IGFN1: variants seen among roughly 807,000 people sequenced by gnomAD.
The protein encoded by IGFN1 is immunoglobulin like and fibronectin type III domain containing 1, also known as immunoglobulin-like and fibronectin type III domain-containing protein 1.
Under a neutral mutation model 289.5 loss-of-function variants are expected in IGFN1, and 253 were observed. That is an observed-to-expected ratio of 0.87 (90% CI 0.79 to 0.97). IGFN1 has a LOEUF of 0.97. Ranked by LOEUF, IGFN1 falls within the 50% of genes least tolerant of loss-of-function variation. The probability of loss-of-function intolerance (pLI) is 0.00; values close to 1 mark genes in which losing one functional copy is unlikely to be tolerated. For synonymous variants in IGFN1, 1,706 were observed against 1,788.5 expected (o/e 0.95, Z 1.16); for missense variants, 4,470 against 4,686.1 (o/e 0.95, Z 1.35).
chr1:201,196,934 A>AT (rs1484236027), intron 4 of IGFN1, among the ~76,000 whole-genome samples: 16 of 152,312 alleles, frequency 1.1e-4, no homozygotes, highest in African/African-American at 3.8e-4. Context: ...CACAGCTAGT[A>AT]ATACAGGACA....
intron 17 of IGFN1, 131 bp from the exon 18 acceptor site, chr1:201,218,399 G>A (rs1191175788): frequency 1.9e-5 from 15 of 788,144 alleles, no homozygotes; most frequent in African/African-American, 7.0e-5. Flanking sequence ...GAGTCACAGC[G>A]GGTGGAGGGA....
Position 201,208,247 on chromosome 1 carries a change from G to C in IGFN1, c.3354G>C (p.Trp1118Cys), listed in dbSNP as rs1409234516. ...AGAGCTCTGGAAGAATAAGGCCTTG[G>C]GGTCAGACTGGAAATTATGGGGGCT... ...EPESSGRIRP[W>C]GQTGNYGGFR... The change falls in exon 12 of 24, where the codon TGG becomes TGC. Residue 1118 changes from tryptophan to cysteine, a missense_variant. Trp to Cys is a radical substitution (Grantham distance 215, BLOSUM62 -2). Coordinates refer to ENST00000335211, the MANE Select transcript of IGFN1 (RefSeq NM_001164586.2). 1 of 1,536,366 alleles carries C rather than the reference G, an allele frequency of 6.5e-7. No homozygotes were observed. The highest frequency in any genetic ancestry group is 2.4e-5 in the East Asian group (1 of 40,890).
intron 8 of IGFN1, among the ~76,000 whole-genome samples, chr1:201,200,862 T>C (rs1667122628): frequency 6.7e-6 from 1 of 149,878 alleles, no homozygotes; most frequent in African/African-American, 2.5e-5. Flanking sequence ...GATGGAGTCT[T>C]GCTCTTTCGC....
chr1:201,225,870 T>C lies in IGFN1; in HGVS notation c.10533T>C (p.Pro3511=), dbSNP rs768815655. ...CCATCCACCTGCAGGAGAACGTGCC[T>C]GGGACGGTGACGGCCGAGTGGGAAC... The part of the protein sequence containing the change: ...PGPIHLQENV[P]GTVTAEWEPS... The change falls in exon 22 of 24, where the codon CCT becomes CCC. Residue 3511 remains proline, a synonymous_variant. Transcript: ENST00000335211. 2 of 1,613,176 alleles carry C rather than the reference T, an allele frequency of 1.2e-6. No homozygotes were observed. The highest frequency in any genetic ancestry group is 1.7e-6 in the Non-Finnish European group (2 of 1,179,802).
Position 201,212,811 on chromosome 1 carries a change from GA to G in IGFN1, c.7919del (p.Asp2640ValfsTer102), listed in dbSNP as rs1667888749. The G allele has an allele frequency of 1.1e-5, 17 of 1,551,458 alleles. No homozygotes were observed. The highest frequency in any genetic ancestry group is 1.5e-5 in the Non-Finnish European group (17 of 1,146,918). ...CCAGGGGTTTAGCCAAGGCAGCATA[GA>G]TGCTGGGAAGCAGCCCGCAGGCTCC... ...ENQGFSQGSIDAGKQPAGSRA... is the reference protein window; with the variant it reads ...ENQGFSQGSIXAGKQPAGSRA... On this transcript the variant is annotated frameshift_variant, in exon 12 of 24. Transcript: ENST00000335211. LOFTEE classifies it high-confidence loss of function.
At chr1:201,219,553 T>C (rs1006991896) in intron 18 of IGFN1, among the ~76,000 whole-genome samples, 11 of 152,230 alleles carry the variant, frequency 7.2e-5, no homozygotes, top group African/African-American at 2.4e-4. Context: ...ATTAAAAGCG[T>C]CACTCCAAGG....
In IGFN1 at chr1:201,227,012, C is replaced by T; in HGVS notation, c.10917C>T (p.Gly3639=). The change falls in exon 23 of 24, where the codon GGC becomes GGT. Residue 3639 remains glycine (G), a synonymous_variant. Coordinates refer to ENST00000335211, the MANE Select transcript of IGFN1 (RefSeq NM_001164586.2). ...GCTGCATGAGCTGTGCCGTGCAGGG[C>T]TCGCCCCGGCCCCACGTCACCTGGT... ...CECCMSCAVQ[G]SPRPHVTWFK... 6.2e-7 allele frequency: 1 copy of T among 1,613,442 alleles called. No homozygotes were observed. The highest frequency in any genetic ancestry group is 1.3e-5 in the African/African-American group (1 of 75,054).
chr1:201,221,102 C>A (rs1029882491), intron 18 of IGFN1, among the ~76,000 whole-genome samples: 1 of 152,100 alleles, frequency 6.6e-6, no homozygotes, highest in African/African-American at 2.4e-5. Flanking sequence ...TCTAGTCATA[C>A]GGGATAATGG....
rs568244491 is a variant in IGFN1 at position 201,194,360 on chromosome 1, G to A, written c.127+87G>A. 217 of 1,453,092 alleles carry A rather than the reference G, an allele frequency of 1.5e-4. 1 individual carries two copies. In the African/African-American group the frequency reaches 2.8e-3, roughly 19 times the overall value. The allele number at this position is 1,453,092 out of a possible 1,614,324, so 90.0% of individuals were successfully genotyped here. A position where few individuals can be genotyped will look rare whatever the true frequency, so the allele number is the denominator to read the frequency against. ...AGAGGGCTGGGGCACCAACCTTCCT[G>A]GGGACCCAGGCCCTATATCCATCAC... On this transcript the variant is annotated intron_variant, in intron 3 of 23. Coordinates refer to ENST00000335211, the MANE Select transcript of IGFN1 (RefSeq NM_001164586.2).
At chr1:201,203,976 C>A in intron 10 of IGFN1, 70 bp downstream of exon 10, 1 of 1,379,120 alleles carries the variant, frequency 7.3e-7, no homozygotes, top group Non-Finnish European at 9.9e-7. Flanking sequence ...GTTGGTGCAA[C>A]GTGTGTGTTG....
intron 20 of IGFN1, among the ~76,000 whole-genome samples, chr1:201,223,349 ATTAT>A (rs34981617): frequency 0.017 from 2,434 of 143,058 alleles, 73 homozygotes; most frequent in African/African-American, 0.058. Context: ...TTGGACAAAT[ATTAT>A]TTATTTATTT....
chr1:201,222,648 C>G, intron 19 of IGFN1, 91 bp from the exon 20 acceptor site: 1 of 803,270 alleles, frequency 1.2e-6, no homozygotes, highest in Non-Finnish European at 2.1e-6. Flanking sequence ...CTGGCCCAGT[C>G]TTCCCCTCCA....
intron 3 of IGFN1, among the ~76,000 whole-genome samples, chr1:201,195,308 A>C (rs1666867417): frequency 6.6e-6 from 1 of 151,958 alleles, no homozygotes; most frequent in African/African-American, 2.4e-5. Flanking sequence ...CATGCCACCA[A>C]GCCTGGCTAC....
chr1:201,201,288 A>G (rs1407723782), intron 8 of IGFN1, among the ~76,000 whole-genome samples: 1 of 152,204 alleles, frequency 6.6e-6, no homozygotes. Flanking sequence ...GAAAACAACT[A>G]GTTTTTATTA....
rs373146550 is a variant in IGFN1, at chr1:201,195,857, G to T, written c.146G>T (p.Arg49Leu). 36 of 1,551,370 alleles carry T rather than the reference G, an allele frequency of 2.3e-5. No individual in the cohort carries two copies. In the South Asian group the frequency reaches 4.0e-4, roughly 17 times the overall value. The change falls in exon 4 of 24, where the codon CGG (arginine) becomes CTG (leucine). Residue 49 changes from arginine (R) to leucine (L), a missense_variant. Physicochemically the swap from Arg to Leu is moderately radical, Grantham distance 102. Transcript: ENST00000335211. ...GCTGCAGGGAAAAATGCTGTCTTTC[G>T]GGCTGTGGTCTGTGGGGAGCCCAGG... ...ALPEGKNAVFRAVVCGEPRPE... is the reference protein window; with the variant it reads ...ALPEGKNAVFLAVVCGEPRPE...
intron 20 of IGFN1, 126 bp from the exon 21 acceptor site, chr1:201,224,553 C>A: frequency 1.4e-6 from 1 of 717,412 alleles, no homozygotes; most frequent in South Asian, 1.9e-5. Flanking sequence ...GTTGTGTTTT[C>A]TGGTCGACTT....
rs1267833912 is a variant in IGFN1 at position 201,208,225 on chromosome 1, G to GAAGCAGAA, written c.3332_3333insAAGCAGAA (p.Ser1111ArgfsTer8). The GAAGCAGAA allele has an allele frequency of 6.5e-7, 1 of 1,536,710 alleles. No individual in the cohort carries two copies. Among genetic ancestry groups the GAAGCAGAA allele is most frequent in the Admixed American group, 2.0e-5 (1 of 50,986 alleles). ...GGATGTGTGGAAGCAGAACCAGAGA[G>GAAGCAGAA]CTCTGGAAGAATAAGGCCTTGGGGT... On this transcript the variant is annotated frameshift_variant, in exon 12 of 24. Transcript: ENST00000335211. LOFTEE classifies it high-confidence loss of function.
Position 201,210,668 on chromosome 1 carries a change from T to A in IGFN1, c.5775T>A (p.Gly1925=). The part of the protein sequence containing the change: ...SVEMGSVNEA[G]YRKDLGAPEG... ...AAATGGGGTCAGTGAATGAGGCAGG[T>A]TATAGGAAGGATTTGGGGGCTCCTG... The change falls in exon 12 of 24, where the codon GGT becomes GGA. Residue 1925 remains glycine, a synonymous_variant. Transcript: ENST00000335211. 6.6e-7 allele frequency: 1 copy of A among 1,513,314 alleles called. No homozygotes were observed. The highest frequency in any genetic ancestry group is 8.8e-7 in the Non-Finnish European group (1 of 1,138,930). The allele number at this position is 1,513,314 out of a possible 1,614,324, so 93.7% of individuals were successfully genotyped here.
intron 10 of IGFN1, among the ~76,000 whole-genome samples, chr1:201,204,506 A>T (rs763537319): frequency 6.6e-6 from 1 of 152,192 alleles, no homozygotes; most frequent in East Asian, 1.9e-4. Context: ...TCGTAAGAAC[A>T]TGGCTGAATC....
Sources: allele counts gnomAD v4.1 joint callset (sites outside exome capture counted in the v4.1 genomes callset), GRCh38; gene constraint gnomAD v4.1.1; transcripts MANE v1.5; gene names NCBI Gene and HGNC (gene_info 2026-07-23, HGNC 2026-07-21).